ZMYM2: variants seen among roughly 807,000 people sequenced by gnomAD.
The protein encoded by ZMYM2 is zinc finger MYM-type protein 2.
ZMYM2 carries 56 observed loss-of-function variants against 162.8 expected under a neutral mutation model. The ratio of observed to expected loss-of-function variants is 0.34; its 90% confidence interval spans 0.28 to 0.43. The LOEUF (loss-of-function observed/expected upper bound fraction) is 0.43, where lower values mean the gene tolerates loss of function less well. ZMYM2 is among the 20% of genes least tolerant of loss of function. The pLI is 1.00. For synonymous variants in ZMYM2, 510 were observed against 541.6 expected, an observed-to-expected ratio of 0.94 and a Z score of 0.81; for missense variants, 1,275 against 1,621.8, an observed-to-expected ratio of 0.79 and a Z score of 3.67.
chr13:20,069,159 T>G lies in ZMYM2; in HGVS notation c.3453+1769T>G, dbSNP rs59348231. ...CTAGTAGGTGGTCTTGTTTTGTTAT[T>G]TTTTAAATATATCTTAGAATTTTCT... On this transcript the variant is annotated intron_variant, in intron 21 of 24. Transcript: ENST00000610343. Among the ~76,000 whole-genome samples the G allele has an allele frequency of 1.4e-3, 210 of 152,264 alleles. 1 individual carries two copies. Among genetic ancestry groups the G allele is most frequent in the African/African-American group, 4.9e-3 (204 of 41,566 alleles).
upstream of ZMYM2, among the ~76,000 whole-genome samples, chr13:19,955,515 TCA>T (rs1954485251): frequency 2.0e-5 from 3 of 152,246 alleles, no homozygotes; most frequent in Admixed American, 2.0e-4. Context: ...TAAGCTGTGC[TCA>T]GAGTCAGTTT....
the ZMYM2 span, among the ~76,000 whole-genome samples, chr13:19,950,063 G>T: frequency 6.6e-6 from 1 of 150,770 alleles, no homozygotes; most frequent in East Asian, 2.0e-4. Flanking sequence ...ACTTAAACCC[G>T]GGAGTTGGAG....
At chr13:20,011,827 C>G (rs565201928) in intron 6 of ZMYM2, among the ~76,000 whole-genome samples, 1 of 151,410 alleles carries the variant, frequency 6.6e-6, no homozygotes, top group African/African-American at 2.4e-5. Flanking sequence ...TCTGCTCATG[C>G]AACCTCCACC....
the ZMYM2 span, among the ~76,000 whole-genome samples, chr13:19,941,868 T>C: frequency 7.3e-5 from 11 of 151,686 alleles, no homozygotes; most frequent in African/African-American, 2.7e-4. Flanking sequence ...CACCTCAGCC[T>C]TCTGAGTGGT....
intron 2 of ZMYM2, among the ~76,000 whole-genome samples, chr13:19,979,510 T>G (rs1355863318): frequency 6.6e-6 from 1 of 150,922 alleles, no homozygotes. Context: ...TGTGGTGAGG[T>G]ACTGACCTGA....
chr13:19,894,410 A>G, the ZMYM2 span, among the ~76,000 whole-genome samples: 9 of 151,560 alleles, frequency 5.9e-5, no homozygotes, highest in Non-Finnish European at 8.8e-5. Flanking sequence ...CAATGGCACA[A>G]TCTCAGCTCA....
At chr13:19,946,880 A>G in the ZMYM2 span, among the ~76,000 whole-genome samples, 26 of 152,356 alleles carry the variant, frequency 1.7e-4, no homozygotes, top group African/African-American at 6.3e-4. Flanking sequence ...GTGGTGTCTT[A>G]AAAGCATTTT....
At chr13:20,025,500 C>T (rs1015719607) in intron 7 of ZMYM2, 1 of 166,084 alleles carries the variant, frequency 6.0e-6, no homozygotes, top group Non-Finnish European at 1.3e-5. Context: ...AATACACCCC[C>T]ACCAAAAAAA....
chr13:19,883,202 A>G, the ZMYM2 span, among the ~76,000 whole-genome samples: 2 of 152,322 alleles, frequency 1.3e-5, no homozygotes, highest in East Asian at 3.9e-4. Context: ...AAGTAAACCT[A>G]TAGAGACAGG....
intron 2 of ZMYM2, among the ~76,000 whole-genome samples, chr13:19,970,689 G>T (rs1336068215): frequency 1.3e-5 from 2 of 151,880 alleles, no homozygotes; most frequent in East Asian, 3.9e-4. Context: ...TATTGGCCAG[G>T]CTTTTATTAA....
Position 20,044,087 on chromosome 13 carries a change from G to A in ZMYM2, c.2292+7178G>A, listed in dbSNP as rs139635340. On this transcript the variant is annotated intron_variant, in intron 12 of 24. Coordinates refer to ENST00000610343, the MANE Select transcript of ZMYM2 (RefSeq NM_197968.4). The stretch of plus-strand genomic sequence containing the variant: ...GGGCAAGACCTCCCCGCAGAGTTCA[G>A]ATCTGACAGTTGCCCTAGGGTTAAA... 2.1e-3 allele frequency among the ~76,000 whole-genome samples: 320 copies of A among 152,278 alleles called. 3 individuals carry two copies. Among genetic ancestry groups the A allele is most frequent in the Admixed American group, 4.8e-3 (74 of 15,290 alleles).
the ZMYM2 span, among the ~76,000 whole-genome samples, chr13:19,952,798 T>A: frequency 6.6e-6 from 1 of 152,130 alleles, no homozygotes. Context: ...GGATGTACAA[T>A]TCCCTCAGTT....
the ZMYM2 span, among the ~76,000 whole-genome samples, chr13:19,887,527 TAA>T: frequency 7.9e-4 from 114 of 143,696 alleles, 1 homozygote; most frequent in African/African-American, 2.4e-3. Context: ...AGACTTGGTA[TAA>T]AAAAAAAAAA....
the ZMYM2 span, among the ~76,000 whole-genome samples, chr13:19,920,894 C>A: frequency 6.6e-6 from 1 of 151,666 alleles, no homozygotes; most frequent in South Asian, 2.1e-4. Flanking sequence ...TCCCGAGTAG[C>A]TGGGATTACA....
At chr13:19,870,538 T>TTC in the ZMYM2 span, among the ~76,000 whole-genome samples, 1 of 51,632 alleles carries the variant, frequency 1.9e-5, no homozygotes, top group African/African-American at 6.1e-5. Context: ...TCTTTCTTTC[T>TTC]CTTTCTTTCT....
chr13:20,012,121 A>G (rs1951246736), intron 6 of ZMYM2, among the ~76,000 whole-genome samples: 4 of 151,344 alleles, frequency 2.6e-5, no homozygotes, highest in Admixed American at 1.3e-4. Flanking sequence ...CCTGACCTTC[A>G]GTGATCCTCC....
At chr13:20,023,238 C>CTA (rs1171902327) in intron 7 of ZMYM2, among the ~76,000 whole-genome samples, 5 of 152,054 alleles carry the variant, frequency 3.3e-5, no homozygotes, top group African/African-American at 1.2e-4. Flanking sequence ...ATGTCACAGA[C>CTA]TAAAGTTTAT....
At chr13:19,938,333 C>A in the ZMYM2 span, among the ~76,000 whole-genome samples, 171 of 152,096 alleles carry the variant, frequency 1.1e-3, 1 homozygote, top group Middle Eastern at 0.017. Flanking sequence ...ATGGTGAAAC[C>A]CTGTCTCTAC....
At chr13:20,010,790 G>A (rs8002351) in intron 6 of ZMYM2, among the ~76,000 whole-genome samples, 15,466 of 152,024 alleles carry the variant, frequency 0.1, 1,293 homozygotes, top group African/African-American at 0.22. Flanking sequence ...ACAGGTGCGT[G>A]CCACCACACC....
Sources: gnomAD v4.1 joint callset for allele counts (sites outside exome capture counted in the v4.1 genomes callset) on GRCh38, gnomAD v4.1.1 for gene constraint, MANE v1.5 for transcripts, NCBI Gene and HGNC (gene_info 2026-07-23, HGNC 2026-07-21) for gene names.